PPARGC1A: variants seen among roughly 807,000 people sequenced by gnomAD.
PPARGC1A encodes the protein peroxisome proliferator-activated receptor gamma coactivator 1-alpha.
A neutral mutation model predicts 88.7 loss-of-function variants in PPARGC1A; 25 were observed. That is an observed-to-expected ratio of 0.28 (90% CI 0.21 to 0.39). The LOEUF (loss-of-function observed/expected upper bound fraction) is 0.39, where lower values mean the gene tolerates loss of function less well. PPARGC1A is among the 10% of genes least tolerant of loss of function. The pLI is 1.00. For missense variants in PPARGC1A, 880 were observed against 968.7 expected, an observed-to-expected ratio of 0.91 and a Z score of 1.22; for synonymous variants, 363 against 355.6, an observed-to-expected ratio of 1.02 and a Z score of -0.24.
the PPARGC1A span, among the ~76,000 whole-genome samples, chr4:24,464,632 G>A: frequency 1.1e-4 from 17 of 152,202 alleles, no homozygotes; most frequent in African/African-American, 4.1e-4. Context: ...AAAGAAGCCA[G>A]ACGTTCACTG....
the PPARGC1A span, among the ~76,000 whole-genome samples, chr4:24,424,360 C>T: frequency 1.4e-5 from 2 of 143,174 alleles, no homozygotes. Flanking sequence ...ACTGCAAGCT[C>T]CACCTCCCGG....
chr4:24,058,083 T>C, the PPARGC1A span, among the ~76,000 whole-genome samples: 99 of 152,308 alleles, frequency 6.5e-4, no homozygotes, highest in Non-Finnish European at 1.2e-3. Flanking sequence ...CTTGTACTTT[T>C]GGACCTTAAA....
the PPARGC1A span, among the ~76,000 whole-genome samples, chr4:24,125,817 G>A: frequency 2.6e-5 from 4 of 152,304 alleles, no homozygotes; most frequent in Non-Finnish European, 5.9e-5. Context: ...AGGTGAGGCT[G>A]CAAGGAATGT....
At chr4:24,340,297 A>G in the PPARGC1A span, among the ~76,000 whole-genome samples, 1 of 152,232 alleles carries the variant, frequency 6.6e-6, no homozygotes. Flanking sequence ...TAAACAAGAA[A>G]TATATTAAAT....
chr4:24,431,561 C>T, the PPARGC1A span, among the ~76,000 whole-genome samples: 1 of 152,142 alleles, frequency 6.6e-6, no homozygotes, highest in Non-Finnish European at 1.5e-5. Context: ...AGACCAGTCA[C>T]CCTGGGATCG....
At chr4:23,824,647 G>A in intron 5 of PPARGC1A, 139 bp from the exon 6 acceptor site, 1 of 782,536 alleles carries the variant, frequency 1.3e-6, no homozygotes, top group South Asian at 1.8e-5. Flanking sequence ...TTGAATCAAA[G>A]TCAGACAAAA....
chr4:23,982,088 C>A, the PPARGC1A span, among the ~76,000 whole-genome samples: 1 of 152,150 alleles, frequency 6.6e-6, no homozygotes, highest in East Asian at 1.9e-4. Context: ...AAAATATATC[C>A]ACTCCTACCC....
the PPARGC1A span, among the ~76,000 whole-genome samples, chr4:24,140,364 T>C: frequency 6.6e-6 from 1 of 152,226 alleles, no homozygotes; most frequent in African/African-American, 2.4e-5. Flanking sequence ...ACAGGCTCTG[T>C]AATCACATTG....
At chr4:23,851,975 C>G (rs975277040) in intron 2 of PPARGC1A, among the ~76,000 whole-genome samples, 4 of 152,142 alleles carry the variant, frequency 2.6e-5, no homozygotes, top group Admixed American at 2.6e-4. Context: ...GAATCTCTAA[C>G]AAGCGTCCAG....
the PPARGC1A span, among the ~76,000 whole-genome samples, chr4:24,166,282 G>A: frequency 7.0e-3 from 1,063 of 152,304 alleles, 7 homozygotes; most frequent in African/African-American, 0.024. Context: ...TAGTTCATGA[G>A]GTTTAAAGAA....
chr4:24,004,498 A>C, the PPARGC1A span, among the ~76,000 whole-genome samples: 267 of 152,292 alleles, frequency 1.8e-3, 3 homozygotes, highest in African/African-American at 6.3e-3. Context: ...ACTGATTAAT[A>C]TTATTCTGCC....
chr4:24,260,866 T>A, the PPARGC1A span, among the ~76,000 whole-genome samples: 1 of 152,216 alleles, frequency 6.6e-6, no homozygotes, highest in Non-Finnish European at 1.5e-5. Context: ...TTTCCCAGTT[T>A]GGGTCTCCAG....
chr4:24,102,817 A>G, the PPARGC1A span, among the ~76,000 whole-genome samples: 1 of 152,326 alleles, frequency 6.6e-6, no homozygotes, highest in East Asian at 1.9e-4. Context: ...GGCAGCCCAC[A>G]TGGAGCACAG....
the PPARGC1A span, among the ~76,000 whole-genome samples, chr4:23,912,311 A>G: frequency 6.6e-6 from 1 of 152,136 alleles, no homozygotes; most frequent in Non-Finnish European, 1.5e-5. Context: ...AAGGAAAGGT[A>G]CCAAGGCTTT....
At chr4:24,351,806 T>C in the PPARGC1A span, among the ~76,000 whole-genome samples, 12 of 152,136 alleles carry the variant, frequency 7.9e-5, no homozygotes, top group African/African-American at 2.9e-4. Context: ...AACCTAAAAA[T>C]CACAGGGTTT....
chr4:24,383,258 A>T, the PPARGC1A span, among the ~76,000 whole-genome samples: 1 of 152,218 alleles, frequency 6.6e-6, no homozygotes, highest in East Asian at 1.9e-4. Flanking sequence ...TAAATCCACA[A>T]AGGTGAGGAA....
intron 2 of PPARGC1A, among the ~76,000 whole-genome samples, chr4:23,843,158 G>T (rs1021376221): frequency 1.3e-5 from 2 of 151,928 alleles, no homozygotes; most frequent in African/African-American, 2.4e-5. Context: ...GTTCATTTCA[G>T]TTCTGGAGTC....
At chr4:23,817,680 A>G (rs1440764339) in intron 7 of PPARGC1A, among the ~76,000 whole-genome samples, 2 of 152,106 alleles carry the variant, frequency 1.3e-5, no homozygotes, top group Admixed American at 6.6e-5. Context: ...AAGATTAGTG[A>G]GTAGATGGAG....
chr4:23,937,990 A>T, the PPARGC1A span, among the ~76,000 whole-genome samples: 3 of 152,114 alleles, frequency 2.0e-5, no homozygotes, highest in African/African-American at 7.2e-5. Flanking sequence ...ATGCGTAAAC[A>T]CAGTTGGGCT....
Sources: gnomAD v4.1 joint callset for allele counts (sites outside exome capture counted in the v4.1 genomes callset) on GRCh38, gnomAD v4.1.1 for gene constraint, MANE v1.5 for transcripts, NCBI Gene and HGNC (gene_info 2026-07-23, HGNC 2026-07-21) for gene names.